CMSS1: variants seen among roughly 807,000 people sequenced by gnomAD.
CMSS1 encodes cms1 ribosomal small subunit homolog, also known as protein CMSS1.
In CMSS1, 33 loss-of-function variants were observed where a neutral mutation model predicts 43.5. The ratio of observed to expected loss-of-function variants is 0.76; its 90% CI spans 0.57 to 1.01. The LOEUF (loss-of-function observed/expected upper bound fraction) is 1.01. CMSS1 is among the 50% of genes least tolerant of loss of function. The probability of loss-of-function intolerance (pLI) is 0.00; values close to 1 mark genes in which losing one functional copy is unlikely to be tolerated. For missense variants in CMSS1, 313 were observed against 326.4 expected (o/e 0.96, Z 0.32); for synonymous variants, 115 against 117.2 (o/e 0.98, Z 0.12).
intron 1 of CMSS1, among the ~76,000 whole-genome samples, chr3:100,139,861 A>G (rs769193454): frequency 4.0e-5 from 6 of 151,180 alleles, no homozygotes; most frequent in Non-Finnish European, 8.8e-5. Flanking sequence ...GAACACTGCC[A>G]TTTCCATTTG....
intron 1 of CMSS1, among the ~76,000 whole-genome samples, chr3:100,144,995 G>A (rs570281224): frequency 2.6e-5 from 4 of 152,272 alleles, no homozygotes; most frequent in South Asian, 4.2e-4. Context: ...AGGGAACAGT[G>A]TAACTACTAC....
chr3:100,085,384 T>A (rs912774810), intron 1 of CMSS1, among the ~76,000 whole-genome samples: 3 of 152,232 alleles, frequency 2.0e-5, no homozygotes, highest in African/African-American at 4.8e-5. Flanking sequence ...GAAAAATGAC[T>A]GACTTTTACT....
intron 1 of CMSS1, among the ~76,000 whole-genome samples, chr3:100,053,905 TC>T (rs540646938): frequency 2.4e-4 from 36 of 152,348 alleles, no homozygotes; most frequent in South Asian, 4.1e-4. Context: ...CCTACTAGAA[TC>T]AAAGTAAATT....
At chr3:100,064,162 TC>T (rs1386448850) in intron 1 of CMSS1, among the ~76,000 whole-genome samples, 2 of 152,216 alleles carry the variant, frequency 1.3e-5, no homozygotes, top group African/African-American at 4.8e-5. Flanking sequence ...CTTCAAGGGC[TC>T]TTTCCTGTTA....
intron 1 of CMSS1, chr3:99,930,164 A>G (rs1707431700): frequency 4.1e-6 from 3 of 731,658 alleles, no homozygotes; most frequent in African/African-American, 1.8e-5. Context: ...TCACACTTTT[A>G]TAAAAGGTAA....
intron 1 of CMSS1, among the ~76,000 whole-genome samples, chr3:100,090,387 C>T (rs776523651): frequency 6.6e-6 from 1 of 152,170 alleles, no homozygotes; most frequent in South Asian, 2.1e-4. Context: ...TCATGCTGGT[C>T]GTGATTTTTC....
chr3:100,086,262 AG>A (rs2066006756), intron 1 of CMSS1, among the ~76,000 whole-genome samples: 1 of 152,232 alleles, frequency 6.6e-6, no homozygotes, highest in African/African-American at 2.4e-5. Flanking sequence ...GAAAACAACT[AG>A]AAGTCATTCA....
chr3:99,829,848 C>T (rs1274773467), intron 1 of CMSS1, among the ~76,000 whole-genome samples: 5 of 152,184 alleles, frequency 3.3e-5, no homozygotes, highest in Admixed American at 1.3e-4. Flanking sequence ...ATATATTCGG[C>T]TGTTATTCAC....
chr3:99,983,355 G>T (rs1467444864), intron 1 of CMSS1, among the ~76,000 whole-genome samples: 1 of 139,636 alleles, frequency 7.2e-6, no homozygotes, highest in East Asian at 2.0e-4. Context: ...CCAACATGGT[G>T]AAACCCTGTC....
At chr3:100,017,028 TTTTCAAATTCA>T (rs948896670) in intron 1 of CMSS1, among the ~76,000 whole-genome samples, 2 of 152,206 alleles carry the variant, frequency 1.3e-5, no homozygotes, top group African/African-American at 4.8e-5. Context: ...TTTTGTTAGT[TTTTCAAATTCA>T]CCAGTTTCTC....
intron 1 of CMSS1, among the ~76,000 whole-genome samples, chr3:100,105,364 CAT>C (rs2066376703): frequency 1.3e-5 from 2 of 152,178 alleles, no homozygotes; most frequent in South Asian, 4.1e-4. Context: ...TTTTTAGACA[CAT>C]ATTTCTCACA....
intron 1 of CMSS1, among the ~76,000 whole-genome samples, chr3:100,050,788 C>T (rs2065357953): frequency 6.6e-6 from 1 of 152,148 alleles, no homozygotes; most frequent in African/African-American, 2.4e-5. Flanking sequence ...CCTTGACCTC[C>T]CAAAGTGCTG....
At chr3:99,882,646 A>G (rs1478297082) in intron 1 of CMSS1, among the ~76,000 whole-genome samples, 3 of 152,208 alleles carry the variant, frequency 2.0e-5, no homozygotes, top group Non-Finnish European at 4.4e-5. Flanking sequence ...CCCCAAGGTC[A>G]CACAGTAAAT....
At chr3:100,007,875 ATTCTTATAGTCTCT>A (rs1559723225) in intron 1 of CMSS1, among the ~76,000 whole-genome samples, 1 of 152,146 alleles carries the variant, frequency 6.6e-6, no homozygotes, top group African/African-American at 2.4e-5. Context: ...TAGTGAACAG[ATTCTTATAGTCTCT>A]CACCCACTGG....
At chr3:99,900,940 G>T (rs975336166) in intron 1 of CMSS1, among the ~76,000 whole-genome samples, 1 of 152,222 alleles carries the variant, frequency 6.6e-6, no homozygotes, top group Admixed American at 6.5e-5. Context: ...GAAGGGGCAT[G>T]ATGGTAGTAG....
In CMSS1 at chr3:100,109,228, AT is replaced by A. The variant is rs2066445939; in HGVS notation, c.65-37740del. Among the ~76,000 whole-genome samples, 3 of 152,124 alleles carry A rather than the reference AT, an allele frequency of 2.0e-5. No homozygotes were observed. In the South Asian group the frequency reaches 6.2e-4, roughly 32 times the overall value. On this transcript the variant is annotated intron_variant, in intron 1 of 9. Coordinates refer to ENST00000421999, the MANE Select transcript of CMSS1 (RefSeq NM_032359.4). ...GTGTGTTTTAATATCCTAAAAAAAA[AT>A]TTTTCAATGAAAATCTGCAAGAATT...
At chr3:99,983,381 AATAAATAAATATATATATATAT>A (rs1709186216) in intron 1 of CMSS1, among the ~76,000 whole-genome samples, 2 of 30,026 alleles carry the variant, frequency 6.7e-5, no homozygotes, top group African/African-American at 1.8e-4. Flanking sequence ...TTAAAAAATA[AATAAATAAATATATATATATAT>A]ATATATATAT....
Position 100,168,336 on chromosome 3 carries a change from G to A in CMSS1, c.518+496G>A, listed in dbSNP as rs142559993. On this transcript the variant is annotated intron_variant, in intron 6 of 9. Coordinates refer to ENST00000421999, the MANE Select transcript of CMSS1 (RefSeq NM_032359.4). ...GAGAGCACACATTATAGAGAGCAAG[G>A]GTAAAAGCCAGATCATACCCCAAAC... 3.3e-5 allele frequency among the ~76,000 whole-genome samples: 5 copies of A among 152,066 alleles called. No homozygotes were observed. In the East Asian group the frequency reaches 9.7e-4, roughly 29 times the overall value.
intron 1 of CMSS1, among the ~76,000 whole-genome samples, chr3:99,887,473 A>C: frequency 6.6e-6 from 1 of 152,200 alleles, no homozygotes; most frequent in Non-Finnish European, 1.5e-5. Context: ...TGGCTATCAC[A>C]GCCATGACTG....
Sources: gnomAD v4.1 joint callset for allele counts (sites outside exome capture counted in the v4.1 genomes callset) on GRCh38, gnomAD v4.1.1 for gene constraint, MANE v1.5 for transcripts, NCBI Gene and HGNC (gene_info 2026-07-23, HGNC 2026-07-21) for gene names.